Variants in ASL observed in about 807,000 individuals in gnomAD.
ASL encodes the protein argininosuccinase.
A neutral mutation model predicts 69.1 loss-of-function variants in ASL; 51 were observed. That is an observed-to-expected ratio of 0.74 (90% confidence interval 0.59 to 0.93). ASL has a LOEUF of 0.93. Among genes scored for constraint, ASL ranks in the 40% least tolerant of loss-of-function variants. The pLI is 0.00. For synonymous variants in ASL, 241 were observed against 247.6 expected (o/e 0.97, Z 0.25); for missense variants, 540 against 623.9 (o/e 0.87, Z 1.43).
rs313828 is a variant in ASL at position 66,087,627 on chromosome 7, T to C, written c.656-102T>C. 935,866 of 1,246,904 alleles carry C rather than the reference T, an allele frequency of 0.75. 351,089 individuals carry two copies. The highest frequency in any genetic ancestry group is 0.83 in the African/African-American group (55,903 of 67,474). 77.2% of individuals were successfully genotyped at this position (1,246,904 alleles called of 1,614,324 possible). A position where few individuals can be genotyped will look rare whatever the true frequency, so the allele number is the denominator to read the frequency against. The stretch of plus-strand genomic sequence containing the variant: ...TGCAAAAGATCCCTCCCCCCAGCTG[T>C]TGCCCCACCCTGATCAGGGGAGGGG... On this transcript the variant is annotated intron_variant, in intron 9 of 16. Transcript: ENST00000304874.
intron 2 of ASL, among the ~76,000 whole-genome samples, chr7:66,078,557 AAT>A (rs1786413112): frequency 6.6e-6 from 1 of 152,084 alleles, no homozygotes; most frequent in Non-Finnish European, 1.5e-5. Context: ...TTATGTATGC[AAT>A]TTGCAAATAT....
At position 66,092,851 on chromosome 7, in the gene ASL, G is replaced by T. The variant is rs372272449; in HGVS notation, c.1334G>T (p.Arg445Leu). The T allele has an allele frequency of 2.5e-6, 4 of 1,613,026 alleles. No homozygotes were observed. Among genetic ancestry groups the T allele is most frequent in the African/African-American group, 1.3e-5 (1 of 74,932 alleles). Residue 445 changes from arginine to leucine, a missense_variant, in exon 17 of 17, where the codon CGC becomes CTC. Physicochemically the swap from Arg to Leu is moderately radical, Grantham distance 102. Transcript: ENST00000304874. ...TATGGTGCCCTGGGCGGCACTGCGC[G>T]CTCCAGCGTCGACTGGCAGATCCGC... ...EQYGALGGTA[R>L]SSVDWQIRQV...
chr7:66,075,981 G>A (rs1786333543), intron 1 of ASL, 58 bp from the exon 2 acceptor site: 2 of 1,512,218 alleles, frequency 1.3e-6, no homozygotes, highest in East Asian at 4.9e-5. Context: ...CTCGGAGCCA[G>A]CCCGGCCCGG....
At chr7:66,083,578 G>A (rs970250786) in intron 6 of ASL, among the ~76,000 whole-genome samples, 1 of 151,920 alleles carries the variant, frequency 6.6e-6, no homozygotes, top group Admixed American at 6.6e-5. Flanking sequence ...CAGCTACTCG[G>A]GAGCCTGAGG....
chr7:66,090,150 A>G (rs1487245416), intron 14 of ASL, among the ~76,000 whole-genome samples: 3 of 152,238 alleles, frequency 2.0e-5, no homozygotes, highest in Non-Finnish European at 2.9e-5. Flanking sequence ...AGGCAGAAGA[A>G]TAGCTTGAAC....
Position 66,088,803 on chromosome 7 carries a change from C to G in ASL, c.719-4C>G, listed in dbSNP as rs1443360908. 3 of 1,611,626 alleles carry G rather than the reference C, an allele frequency of 1.9e-6. No homozygotes were observed. The highest frequency in any genetic ancestry group is 1.3e-5 in the African/African-American group (1 of 75,024). On this transcript the variant is annotated splice_polypyrimidine_tract_variant and splice_region_variant and intron_variant, in intron 10 of 16. Transcript: ENST00000304874. ...GCCTGGTGACTGGGAACCTTTTCTCCCAGCCGAGTTCCTGTTCTGGGCTTC... is the reference window on the plus strand; with the variant it reads ...GCCTGGTGACTGGGAACCTTTTCTCGCAGCCGAGTTCCTGTTCTGGGCTTC...
At chr7:66,083,641 G>A (rs1174240684) in intron 6 of ASL, among the ~76,000 whole-genome samples, 5 of 151,274 alleles carry the variant, frequency 3.3e-5, no homozygotes, top group African/African-American at 7.3e-5. Context: ...CCGAGATCGC[G>A]CCATTGCACT....
At chr7:66,088,959 G>T in intron 11 of ASL, 38 bp downstream of exon 11, 1 of 1,609,522 alleles carries the variant, frequency 6.2e-7, no homozygotes, top group Non-Finnish European at 8.5e-7. Context: ...GCCGCTGCCG[G>T]CCTCTGTATC....
rs368891277 is a variant in ASL, at chr7:66,092,095, G to A, written c.1143+9G>A. On this transcript the variant is annotated intron_variant, in intron 15 of 16. Coordinates refer to ENST00000304874, the MANE Select transcript of ASL (RefSeq NM_000048.4). ...ACCTGGTCCGCAAAGGGGTAAGTGTGTAGCAGCCAGGGGGAGGGTGAGGAG... is the reference window on the plus strand; with the variant it reads ...ACCTGGTCCGCAAAGGGGTAAGTGTATAGCAGCCAGGGGGAGGGTGAGGAG... 1.2e-6 allele frequency: 2 copies of A among 1,610,046 alleles called. No individual in the cohort carries two copies. The highest frequency in any genetic ancestry group is 1.7e-5 in the Admixed American group (1 of 59,986).
At chr7:66,080,489 A>G (rs1786472961) in intron 2 of ASL, among the ~76,000 whole-genome samples, 1 of 151,812 alleles carries the variant, frequency 6.6e-6, no homozygotes, top group South Asian at 2.1e-4. Flanking sequence ...TCGGGATGCC[A>G]AGGTCAGGGG....
intron 14 of ASL, among the ~76,000 whole-genome samples, chr7:66,089,938 A>C (rs1423221504): frequency 2.0e-5 from 3 of 152,222 alleles, no homozygotes; most frequent in Non-Finnish European, 4.4e-5. Flanking sequence ...CTCTTTAAAA[A>C]AAGAAAATCT....
intron 2 of ASL, among the ~76,000 whole-genome samples, chr7:66,081,226 C>T (rs1027583316): frequency 3.9e-5 from 6 of 152,236 alleles, no homozygotes; most frequent in African/African-American, 1.4e-4. Flanking sequence ...GCTGTGGTCC[C>T]AGGGGTGTCT....
chr7:66,089,825 G>A lies in ASL; in HGVS notation c.1062+130G>A, dbSNP rs556706532. On this transcript the variant is annotated intron_variant, in intron 14 of 16. Coordinates refer to ENST00000304874, the MANE Select transcript of ASL (RefSeq NM_000048.4). ...GGGGCAGGGAAGGAGAGGTGTGCTC[G>A]CTCCTGCTCCTGGGGAACAGGGAAA... The A allele has an allele frequency of 2.2e-5, 21 of 951,256 alleles. No individual in the cohort carries two copies. The Admixed American group carries it at 2.4e-4, about 11-fold the overall frequency. 58.9% of individuals were successfully genotyped at this position (951,256 alleles called of 1,614,324 possible). A position where few individuals can be genotyped will look rare whatever the true frequency, so the allele number is the denominator to read the frequency against.
chr7:66,082,310 C>T (rs2115693708), intron 3 of ASL, 58 bp from the exon 4 acceptor site: 2 of 1,512,446 alleles, frequency 1.3e-6, no homozygotes, highest in South Asian at 2.4e-5. Context: ...AAGGCAGGGG[C>T]TCTCTTGGCT....
rs371162956 is a variant in ASL, at chr7:66,082,458, C to A, written c.291+7C>A. On this transcript the variant is annotated splice_region_variant and intron_variant, in intron 4 of 16. Transcript: ENST00000304874. Reference sequence around the variant, plus strand: ...CAATGAGCGCCGCCTGAAGGTACGACCCCTGGAGCCCCACCGCTTTCCTTG... The same window carrying A: ...CAATGAGCGCCGCCTGAAGGTACGAACCCTGGAGCCCCACCGCTTTCCTTG... The A allele has an allele frequency of 6.2e-7, 1 of 1,606,844 alleles. No individual in the cohort carries two copies. The highest frequency in any genetic ancestry group is 8.5e-7 in the Non-Finnish European group (1 of 1,178,124).
chr7:66,079,674 C>A lies in ASL; in HGVS notation c.13-2129C>A, dbSNP rs759864553. Among the ~76,000 whole-genome samples the A allele has an allele frequency of 2.0e-5, 3 of 152,232 alleles. No individual in the cohort carries two copies. The South Asian group carries it at 6.2e-4, about 32-fold the overall frequency. On this transcript the variant is annotated intron_variant, in intron 2 of 16. Transcript: ENST00000304874. ...TTGCTCTGTCACCTAGGCTGGAGTGCAGTGGCGTGATCTTGGCTCACTGCA... is the reference window on the plus strand; with the variant it reads ...TTGCTCTGTCACCTAGGCTGGAGTGAAGTGGCGTGATCTTGGCTCACTGCA...
At chr7:66,082,958 C>G in intron 5 of ASL, 22 bp downstream of exon 5, 1 of 1,612,972 alleles carries the variant, frequency 6.2e-7, no homozygotes, top group Non-Finnish European at 8.5e-7. Context: ...CCTCCACCCC[C>G]TGCTCCGTGT....
At chr7:66,080,269 C>T (rs544168492) in intron 2 of ASL, among the ~76,000 whole-genome samples, 3 of 150,950 alleles carry the variant, frequency 2.0e-5, no homozygotes, top group Middle Eastern at 3.4e-3. Flanking sequence ...ACCTGTAGTC[C>T]CAGCTACTCA....
chr7:66,088,760 TG>T (rs1562742013), intron 10 of ASL, 46 bp from the exon 11 acceptor site: 1 of 1,525,686 alleles, frequency 6.6e-7, no homozygotes, highest in Admixed American at 1.8e-5. Flanking sequence ...ATGGTCAGGC[TG>T]GGTGGGGATG....
Sources: gnomAD v4.1 joint callset for allele counts (sites outside exome capture counted in the v4.1 genomes callset) on GRCh38, gnomAD v4.1.1 for gene constraint, MANE v1.5 for transcripts, NCBI Gene and HGNC (gene_info 2026-07-23, HGNC 2026-07-21) for gene names.